Variants in MCAT observed in about 807,000 individuals in gnomAD.
MCAT encodes malonyl-CoA-acyl carrier protein transacylase, mitochondrial.
MCAT carries 22 observed loss-of-function variants against 22.9 expected under a neutral mutation model. The observed-to-expected ratio is 0.96, with a 90% confidence interval of 0.69 to 1.37. MCAT has a LOEUF of 1.37. MCAT is among the 40% of genes most tolerant of loss of function. The pLI is 0.00. For synonymous variants in MCAT, 240 were observed against 233.9 expected (o/e 1.03, Z -0.24); for missense variants, 534 against 533.6 (o/e 1.00, Z -0.01).
rs201852161 is a variant in MCAT at position 43,137,278 on chromosome 22, G to A, written c.532C>T (p.Arg178Ter). ...GAAGCTTCCTGCATGGCCTCAGCTC[G>A]GATTTTCACTGCATACAAACCTGGC... ...FAEGLYAVKI[R>*]AEAMQEASEA... The change falls in exon 3 of 4, where the codon CGA (arginine) becomes TGA (stop). Residue 178 changes from arginine to a stop codon, truncating the protein, a stop_gained. Coordinates refer to ENST00000290429, the MANE Select transcript of MCAT (RefSeq NM_173467.5). LOFTEE classifies it high-confidence loss of function. 65 of 1,613,874 alleles carry A rather than the reference G, an allele frequency of 4.0e-5. No individual in the cohort carries two copies. Among genetic ancestry groups the A allele is most frequent in the Admixed American group, 2.3e-4 (14 of 59,984 alleles).
At chr22:43,137,389 G>T in intron 2 of MCAT, 91 bp from the exon 3 acceptor site, 1 of 1,034,946 alleles carries the variant, frequency 9.7e-7, no homozygotes, top group Non-Finnish European at 1.4e-6. Context: ...GCTCCACTCT[G>T]CACTAGAGAC....
In MCAT at chr22:43,143,095, G is replaced by C; in HGVS notation, c.254C>G (p.Pro85Arg). 1 of 1,606,132 alleles carries C rather than the reference G, an allele frequency of 6.2e-7. No individual in the cohort carries two copies. The highest frequency in any genetic ancestry group is 1.1e-5 in the South Asian group (1 of 90,724). ...VGMGRGLLNY[P>R]RVRELYAAAR... Reference sequence around the variant, plus strand: ...GGCGGCGTAGAGTTCGCGGACGCGCGGGTAGTTGAGCAGACCGCGGCCCAT... The same window carrying C: ...GGCGGCGTAGAGTTCGCGGACGCGCCGGTAGTTGAGCAGACCGCGGCCCAT... Residue 85 changes from proline (P) to arginine (R), a missense_variant, in exon 1 of 4, where the codon CCG becomes CGG. Pro to Arg is a moderately radical substitution (Grantham distance 103, BLOSUM62 -2). Coordinates refer to ENST00000290429, the MANE Select transcript of MCAT (RefSeq NM_173467.5).
Position 43,133,397 on chromosome 22 carries a change from G to A in MCAT, c.819C>T (p.Leu273=), listed in dbSNP as rs2147031503. ...LPVSGAFHTR[L]MEPAVEPLTQ... Reference sequence around the variant, plus strand: ...TCAGGGGCTCCACGGCTGGCTCCATGAGGCGGGTGTGGAATGCGCCACTAA... The same window carrying A: ...TCAGGGGCTCCACGGCTGGCTCCATAAGGCGGGTGTGGAATGCGCCACTAA... The change falls in exon 4 of 4, where the codon CTC becomes CTT. Residue 273 remains leucine (L), a synonymous_variant. Coordinates refer to ENST00000290429, the MANE Select transcript of MCAT (RefSeq NM_173467.5). The A allele has an allele frequency of 1.9e-6, 3 of 1,614,180 alleles. No individual in the cohort carries two copies. In the East Asian group the frequency reaches 6.7e-5, roughly 36 times the overall value.
At position 43,133,996 on chromosome 22, in the gene MCAT, G is replaced by A. The variant is rs556528911; in HGVS notation, c.730-510C>T. Among the ~76,000 whole-genome samples the A allele has an allele frequency of 2.6e-5, 4 of 152,056 alleles. No homozygotes were observed. The South Asian group carries it at 8.3e-4, about 32-fold the overall frequency. ...AATTTTTTGTATTAGCTGATCTCCA[G>A]ACCTCGTGATCCACCCTCTTCGGCC... On this transcript the variant is annotated intron_variant, in intron 3 of 3. Coordinates refer to ENST00000290429, the MANE Select transcript of MCAT (RefSeq NM_173467.5).
intron 1 of MCAT, 130 bp downstream of exon 1, chr22:43,142,796 C>CAAAAAAAA (rs993179451): frequency 1.2e-6 from 1 of 836,908 alleles, no homozygotes; most frequent in African/African-American, 1.9e-5. Flanking sequence ...CAAAAACAAA[C>CAAAAAAAA]AAAAAAAAAA....
chr22:43,142,785 A>AAAC (rs56214689), intron 1 of MCAT, 141 bp downstream of exon 1: 1 of 931,240 alleles, frequency 1.1e-6, no homozygotes, highest in Non-Finnish European at 1.5e-6. Flanking sequence ...AAAAAAAAAA[A>AAAC]CAAAAACAAA....
intron 2 of MCAT, among the ~76,000 whole-genome samples, chr22:43,139,625 C>G (rs2147036345): frequency 6.7e-6 from 1 of 148,720 alleles, no homozygotes; most frequent in East Asian, 2.0e-4. Context: ...CTAACCCAAG[C>G]TGGAGTGCAG....
rs748121919 is a variant in MCAT, at chr22:43,133,443, C to A, written c.773G>T (p.Arg258Ile). 1.9e-6 allele frequency: 3 copies of A among 1,613,598 alleles called. No homozygotes were observed. Among genetic ancestry groups the A allele is most frequent in the Non-Finnish European group, 2.5e-6 (3 of 1,179,884 alleles). The change falls in exon 4 of 4, where the codon AGA becomes ATA. Residue 258 changes from arginine (R) to isoleucine (I), a missense_variant. Physicochemically the swap from Arg to Ile is moderately conservative, Grantham distance 97. Coordinates refer to ENST00000290429, the MANE Select transcript of MCAT (RefSeq NM_173467.5). Reference protein sequence around the residue: ...LQKNSSKFHFRRTRMLPVSGA... With the variant: ...LQKNSSKFHFIRTRMLPVSGA... ...ACTAACCGGCAACATCCTGGTGCGT[C>A]TGAAATGAAACTTAGAGGAATTCTT...
Position 43,143,203 on chromosome 22 carries a change from G to T in MCAT, c.146C>A (p.Ala49Glu). The part of the protein sequence containing the change: ...LRDATGAEEE[A>E]PWAATERRMP... ...TCGCCGCTCCGTCGCCGCCCAGGGCGCCTCCTCCTCCGCCCCGGTCGCATC... is the reference window on the plus strand; with the variant it reads ...TCGCCGCTCCGTCGCCGCCCAGGGCTCCTCCTCCTCCGCCCCGGTCGCATC... Residue 49 changes from alanine to glutamate, a missense_variant, in exon 1 of 4, where the codon GCG (alanine) becomes GAG (glutamate). Physicochemically the swap from Ala to Glu is moderately radical, Grantham distance 107. Transcript: ENST00000290429. 1 of 1,536,638 alleles carries T rather than the reference G, an allele frequency of 6.5e-7. No individual in the cohort carries two copies. Among genetic ancestry groups the T allele is most frequent in the Non-Finnish European group, 8.7e-7 (1 of 1,151,574 alleles).
intron 3 of MCAT, among the ~76,000 whole-genome samples, chr22:43,136,045 C>T (rs1930599860): frequency 1.3e-5 from 2 of 152,150 alleles, no homozygotes; most frequent in South Asian, 2.1e-4. Flanking sequence ...TAGTTCAAGA[C>T]CAGCTTGGGC....
At chr22:43,140,111 T>A (rs1361546919) in intron 2 of MCAT, among the ~76,000 whole-genome samples, 2 of 152,238 alleles carry the variant, frequency 1.3e-5, no homozygotes, top group African/African-American at 4.8e-5. Context: ...ACACTCCATG[T>A]CCACTATGTA....
intron 2 of MCAT, 105 bp downstream of exon 2, chr22:43,141,057 C>G: frequency 1.2e-6 from 1 of 848,400 alleles, no homozygotes; most frequent in Non-Finnish European, 2.0e-6. Context: ...TCCATGTGCT[C>G]CCTTCCCATC....
chr22:43,135,857 G>A (rs1930594750), intron 3 of MCAT, among the ~76,000 whole-genome samples: 1 of 152,228 alleles, frequency 6.6e-6, no homozygotes, highest in African/African-American at 2.4e-5. Flanking sequence ...ACTCCAGAGT[G>A]AGACAGACTC....
intron 3 of MCAT, among the ~76,000 whole-genome samples, chr22:43,134,062 G>A (rs1285045291): frequency 5.3e-5 from 8 of 152,100 alleles, no homozygotes; most frequent in South Asian, 2.1e-4. Flanking sequence ...CGCCGCACCC[G>A]GATCTCAATG....
At chr22:43,136,544 G>A (rs1930617612) in intron 3 of MCAT, among the ~76,000 whole-genome samples, 2 of 152,316 alleles carry the variant, frequency 1.3e-5, no homozygotes, top group East Asian at 3.9e-4. Flanking sequence ...GCACCCCTCG[G>A]CCTGGAGTCA....
chr22:43,133,807 C>T (rs201270265), intron 3 of MCAT, among the ~76,000 whole-genome samples: 16 of 141,318 alleles, frequency 1.1e-4, no homozygotes, highest in Admixed American at 3.6e-4. Context: ...AATGAGAATT[C>T]TTTTTTTTTT....
chr22:43,133,859 G>A (rs1930528680), intron 3 of MCAT, among the ~76,000 whole-genome samples: 1 of 149,538 alleles, frequency 6.7e-6, no homozygotes, highest in Admixed American at 6.7e-5. Flanking sequence ...AGGCTGGAGT[G>A]CAGTGGCACA....
intron 1 of MCAT, 83 bp from the exon 2 acceptor site, chr22:43,141,332 T>G (rs966812481): frequency 8.4e-7 from 1 of 1,188,742 alleles, no homozygotes; most frequent in Middle Eastern, 1.9e-4. Context: ...GCTGGCGGGG[T>G]GTTCAGCATC....
intron 2 of MCAT, among the ~76,000 whole-genome samples, chr22:43,138,822 G>C (rs1930692262): frequency 6.6e-6 from 1 of 152,210 alleles, no homozygotes; most frequent in Non-Finnish European, 1.5e-5. Flanking sequence ...GCAGAGAGAA[G>C]AGATGACCAG....
Sources: allele counts gnomAD v4.1 joint callset (sites outside exome capture counted in the v4.1 genomes callset), GRCh38; gene constraint gnomAD v4.1.1; transcripts MANE v1.5; gene names NCBI Gene and HGNC (gene_info 2026-07-23, HGNC 2026-07-21).